Variants in ITGA11 observed in about 807,000 individuals in gnomAD.
ITGA11 encodes integrin subunit alpha 11.
ITGA11 carries 97 observed loss-of-function variants against 141.9 expected under a neutral mutation model. The ratio of observed to expected loss-of-function variants is 0.68; its 90% CI spans 0.58 to 0.81. ITGA11 has a LOEUF of 0.81. ITGA11 is among the 30% of genes least tolerant of loss of function. ITGA11 has a pLI of 0.00. For missense variants in ITGA11, 1,387 were observed against 1,559.2 expected, an observed-to-expected ratio of 0.89 and a Z score of 1.86; for synonymous variants, 658 against 624.6, an observed-to-expected ratio of 1.05 and a Z score of -0.80.
At chr15:68,350,250 T>C (rs1004042192) in intron 9 of ITGA11, among the ~76,000 whole-genome samples, 13 of 152,172 alleles carry the variant, frequency 8.5e-5, no homozygotes, top group Admixed American at 2.0e-4. Flanking sequence ...AGTGGCATGA[T>C]ATCAGCTCAC....
chr15:68,406,195 G>A (rs1306026316), intron 1 of ITGA11, among the ~76,000 whole-genome samples: 1 of 152,148 alleles, frequency 6.6e-6, no homozygotes, highest in Non-Finnish European at 1.5e-5. Flanking sequence ...ACCATGGCCA[G>A]AGGGACCCTT....
At chr15:68,327,985 G>A (rs983731737) in intron 16 of ITGA11, 111 bp downstream of exon 16, 32 of 1,085,644 alleles carry the variant, frequency 2.9e-5, no homozygotes, top group Admixed American at 2.1e-4. Context: ...TGGCTCTTGG[G>A]CGACCTGGCA....
chr15:68,323,898 C>A (rs1000144836), intron 18 of ITGA11, among the ~76,000 whole-genome samples: 2 of 152,196 alleles, frequency 1.3e-5, no homozygotes, highest in Non-Finnish European at 2.9e-5. Flanking sequence ...CTGTGCTGCT[C>A]ATTACCACCT....
chr15:68,417,171 T>A (rs1460131019), intron 1 of ITGA11, among the ~76,000 whole-genome samples: 2 of 152,180 alleles, frequency 1.3e-5, no homozygotes, highest in Non-Finnish European at 2.9e-5. Flanking sequence ...ATTTCCTGGC[T>A]GCTTATAGGA....
intron 1 of ITGA11, among the ~76,000 whole-genome samples, chr15:68,430,094 A>G (rs993477701): frequency 3.9e-5 from 6 of 152,202 alleles, no homozygotes; most frequent in African/African-American, 1.4e-4. Flanking sequence ...TTGTTCCAAC[A>G]TTGATTGATA....
chr15:68,312,924 G>A (rs1470276890), intron 23 of ITGA11, 61 bp from the exon 24 acceptor site: 1 of 1,227,864 alleles, frequency 8.1e-7, no homozygotes, highest in Non-Finnish European at 1.2e-6. Context: ...ATGGACAGAT[G>A]AATGAAAGAG....
At chr15:68,365,786 A>G (rs13329519) in intron 3 of ITGA11, among the ~76,000 whole-genome samples, 6,918 of 150,732 alleles carry the variant, frequency 0.046, 494 homozygotes, top group African/African-American at 0.15. Flanking sequence ...CCCAGGCTAG[A>G]GTGGAGTGGC....
At chr15:68,390,859 G>A (rs1336580001) in intron 2 of ITGA11, among the ~76,000 whole-genome samples, 2 of 152,198 alleles carry the variant, frequency 1.3e-5, no homozygotes, top group Non-Finnish European at 2.9e-5. Flanking sequence ...CTTCTTCCAC[G>A]TGGCAGAGGC....
Position 68,328,390 on chromosome 15 carries a change from A to C in ITGA11, c.1902-128T>G. ...GCCACTGGAGGGGGTGAGGTGGAGG[A>C]TGGAGGGGGCGAGGTGGAGGATGGA... On this transcript the variant is annotated intron_variant, in intron 15 of 29. Transcript: ENST00000315757. This position sits in a 1 kb window ranked among gnomAD's most constrained non-coding sequence, Gnocchi z 4.8. The C allele has an allele frequency of 1.6e-4, 54 of 342,324 alleles. No homozygotes were observed. The highest frequency in any genetic ancestry group is 3.1e-4 in the East Asian group (4 of 12,738). 21.2% of individuals were successfully genotyped at this position (342,324 alleles called of 1,614,324 possible). A position where few individuals can be genotyped will look rare whatever the true frequency, so the allele number is the denominator to read the frequency against.
At chr15:68,416,787 G>A (rs1317859639) in intron 1 of ITGA11, among the ~76,000 whole-genome samples, 1 of 152,078 alleles carries the variant, frequency 6.6e-6, no homozygotes, top group Non-Finnish European at 1.5e-5. Flanking sequence ...CTAGTGGCAG[G>A]CATCTGTAAT....
chr15:68,367,742 C>A (rs1185676503), intron 3 of ITGA11, among the ~76,000 whole-genome samples: 3 of 152,188 alleles, frequency 2.0e-5, no homozygotes. Context: ...ACAGATTAGA[C>A]CTGGAATGGA....
At chr15:68,356,982 C>T (rs776150461) in intron 7 of ITGA11, 169 bp downstream of exon 7, 33 of 631,846 alleles carry the variant, frequency 5.2e-5, no homozygotes, top group Non-Finnish European at 8.3e-5. Flanking sequence ...CCTGAGAGGA[C>T]CCAAGAGAAA....
At chr15:68,350,175 G>T (rs1393188218) in intron 9 of ITGA11, among the ~76,000 whole-genome samples, 10 of 152,106 alleles carry the variant, frequency 6.6e-5, no homozygotes, top group African/African-American at 2.4e-4. Flanking sequence ...ATACTCAATT[G>T]TTGGCATTTA....
At chr15:68,400,791 TATATTATATAATAA>T (rs1896475584) in intron 2 of ITGA11, among the ~76,000 whole-genome samples, 1 of 53,786 alleles carries the variant, frequency 1.9e-5, no homozygotes, top group Admixed American at 3.9e-4. Flanking sequence ...TATTATATTA[TATATTATATAATAA>T]ATATTATAAT....
At position 68,298,557 on chromosome 15, in the gene ITGA11, T is replaced by A. The variant is rs1892957584; in HGVS notation, c.*4502A>T. On this transcript the variant is annotated 3_prime_UTR_variant, in exon 30 of 30. Transcript: ENST00000315757. ...GGGAGGATCACTGAAGTCCAGGAGG[T>A]CGAGGCTGCAGGGAGCTGTGATTGT... 1 of 151,762 alleles carries A rather than the reference T, an allele frequency of 6.6e-6. No homozygotes were observed. Among genetic ancestry groups the A allele is most frequent in the South Asian group, 2.1e-4 (1 of 4,816 alleles). 9.4% of individuals were successfully genotyped at this position (151,762 alleles called of 1,614,324 possible).
intron 7 of ITGA11, among the ~76,000 whole-genome samples, chr15:68,353,438 C>T (rs1343071138): frequency 6.6e-6 from 1 of 152,104 alleles, no homozygotes. Context: ...CTAGATGCTT[C>T]CATGACTGCA....
chr15:68,410,698 A>T (rs1300382905), intron 1 of ITGA11, among the ~76,000 whole-genome samples: 1 of 152,228 alleles, frequency 6.6e-6, no homozygotes, highest in African/African-American at 2.4e-5. Context: ...CATCATTTCA[A>T]AGAGGCATCT....
At chr15:68,334,548 A>G (rs926573320) in intron 12 of ITGA11, among the ~76,000 whole-genome samples, 2 of 152,168 alleles carry the variant, frequency 1.3e-5, no homozygotes, top group African/African-American at 4.8e-5. Context: ...GAAGGATAAA[A>G]AATTTAGAAG....
intron 3 of ITGA11, 70 bp from the exon 4 acceptor site, chr15:68,364,868 T>G (rs1895367469): frequency 6.8e-7 from 1 of 1,459,984 alleles, no homozygotes; most frequent in South Asian, 1.2e-5. Context: ...CTGCTGCTGG[T>G]CTGGTCACCC....
Sources: allele counts gnomAD v4.1 joint callset (sites outside exome capture counted in the v4.1 genomes callset), GRCh38; gene constraint gnomAD v4.1.1; non-coding constraint Gnocchi (gnomAD v3.1); transcripts MANE v1.5; gene names NCBI Gene and HGNC (gene_info 2026-07-23, HGNC 2026-07-21).